The following ACOXL variants were observed in gnomAD, a reference collection of about 807,000 sequenced individuals.
ACOXL encodes the protein acyl-coenzyme A oxidase-like protein.
ACOXL carries 70 observed loss-of-function variants against 71.9 expected under a neutral mutation model. That is an observed-to-expected ratio of 0.97 (90% CI 0.80 to 1.19). ACOXL has a LOEUF of 1.19. Ranked by LOEUF, ACOXL falls within the 50% of genes most tolerant of loss-of-function variation. The pLI is 0.00. For synonymous variants in ACOXL, 253 were observed against 281.6 expected (o/e 0.90, Z 1.02); for missense variants, 703 against 736.3 (o/e 0.95, Z 0.52).
chr2:110,769,262 G>GAA (rs548527078), intron 2 of ACOXL, among the ~76,000 whole-genome samples: 4 of 146,310 alleles, frequency 2.7e-5, no homozygotes, highest in Non-Finnish European at 6.1e-5. Flanking sequence ...AAGAAAGAAA[G>GAA]AAAAAAATAC....
chr2:110,987,426 CCTT>C (rs2062981851), intron 13 of ACOXL, among the ~76,000 whole-genome samples: 1 of 152,164 alleles, frequency 6.6e-6, no homozygotes, highest in Non-Finnish European at 1.5e-5. Context: ...TCCTTGAGTT[CCTT>C]CTTTATTTCA....
chr2:110,887,202 T>G (rs1697401317), intron 10 of ACOXL: 2 of 247,434 alleles, frequency 8.1e-6, no homozygotes, highest in Non-Finnish European at 1.6e-5. Context: ...GAAAATTGGC[T>G]TCTATTACAC....
At chr2:110,915,590 A>T (rs975932252) in intron 11 of ACOXL, among the ~76,000 whole-genome samples, 1 of 149,408 alleles carries the variant, frequency 6.7e-6, no homozygotes, top group Non-Finnish European at 1.5e-5. Context: ...CACCCAGCTA[A>T]TTTTTTTTTG....
chr2:110,996,442 A>G (rs935099556), intron 14 of ACOXL, among the ~76,000 whole-genome samples: 4 of 152,264 alleles, frequency 2.6e-5, no homozygotes, highest in African/African-American at 9.6e-5. Flanking sequence ...GCAAAAGCAT[A>G]AAACCTTGTG....
chr2:110,963,369 C>T (rs922503253), intron 12 of ACOXL, among the ~76,000 whole-genome samples: 1 of 151,996 alleles, frequency 6.6e-6, no homozygotes, highest in Non-Finnish European at 1.5e-5. Context: ...AAATATGACA[C>T]AACCATTTTC....
chr2:111,114,191 C>G (rs1366627450), intron 17 of ACOXL: 1 of 152,692 alleles, frequency 6.5e-6, no homozygotes, highest in Non-Finnish European at 1.5e-5. Context: ...ACTAGGATGT[C>G]CAAGATGGCC....
chr2:110,755,211 C>T (rs552003527), intron 1 of ACOXL, among the ~76,000 whole-genome samples: 4 of 152,134 alleles, frequency 2.6e-5, no homozygotes, highest in Non-Finnish European at 4.4e-5. Context: ...CCCCAGATGA[C>T]CCTCACATGT....
chr2:111,039,860 C>T (rs973592207), intron 15 of ACOXL, among the ~76,000 whole-genome samples: 2 of 152,192 alleles, frequency 1.3e-5, no homozygotes, highest in African/African-American at 4.8e-5. Context: ...GTGCACGAAT[C>T]ATGCAAGTAG....
At chr2:110,925,223 A>T (rs1480499708) in intron 11 of ACOXL, among the ~76,000 whole-genome samples, 1 of 152,256 alleles carries the variant, frequency 6.6e-6, no homozygotes, top group African/African-American at 2.4e-5. Flanking sequence ...TTTTTGAAAT[A>T]GTAAATGACC....
chr2:110,932,766 A>G (rs2060522628), intron 11 of ACOXL, among the ~76,000 whole-genome samples: 1 of 152,222 alleles, frequency 6.6e-6, no homozygotes, highest in Admixed American at 6.5e-5. Context: ...GGGTGCCTAG[A>G]CAGATGTCAG....
At chr2:110,809,356 T>C (rs530656733) in intron 9 of ACOXL, among the ~76,000 whole-genome samples, 51 of 152,350 alleles carry the variant, frequency 3.3e-4, no homozygotes, top group Non-Finnish European at 7.1e-4. Context: ...ATGCAGCAGC[T>C]GAGCTGCGGG....
At chr2:110,919,448 C>T (rs771324833) in intron 11 of ACOXL, among the ~76,000 whole-genome samples, 2 of 151,950 alleles carry the variant, frequency 1.3e-5, no homozygotes, top group Non-Finnish European at 2.9e-5. Flanking sequence ...AGGAGAAATA[C>T]CTAATGTAGA....
At chr2:111,021,647 G>A (rs915192895) in intron 14 of ACOXL, among the ~76,000 whole-genome samples, 2 of 152,030 alleles carry the variant, frequency 1.3e-5, no homozygotes, top group African/African-American at 4.8e-5. Context: ...GGAGAGGGGA[G>A]GACCCTCTTC....
chr2:110,823,363 A>G (rs1445780122), intron 9 of ACOXL, among the ~76,000 whole-genome samples: 4 of 152,040 alleles, frequency 2.6e-5, no homozygotes, highest in African/African-American at 4.8e-5. Context: ...CCATTCATCC[A>G]TGGAAGGATA....
chr2:110,768,513 T>TGTGTGTGTGTGTGTGAGAGA (rs397975396), intron 2 of ACOXL, 49 bp downstream of exon 2: 2 of 929,758 alleles, frequency 2.2e-6, no homozygotes, highest in African/African-American at 3.5e-5. Context: ...TGTGTGTGTG[T>TGTGTGTGTGTGTGTGAGAGA]GAGAGAGAGA....
intron 14 of ACOXL, among the ~76,000 whole-genome samples, chr2:111,024,212 G>A (rs1384203791): frequency 6.6e-6 from 1 of 152,192 alleles, no homozygotes; most frequent in African/African-American, 2.4e-5. Flanking sequence ...CCAGGTTGTA[G>A]ATTGAATTCT....
intron 14 of ACOXL, among the ~76,000 whole-genome samples, chr2:111,029,493 A>G (rs2065165927): frequency 6.6e-6 from 1 of 152,042 alleles, no homozygotes; most frequent in Non-Finnish European, 1.5e-5. Flanking sequence ...TGTAGAGCCT[A>G]TACTGCTCCT....
chr2:110,921,827 C>T (rs1303460302), intron 11 of ACOXL, among the ~76,000 whole-genome samples: 6 of 152,186 alleles, frequency 3.9e-5, no homozygotes, highest in Non-Finnish European at 8.8e-5. Context: ...TGACATGTTG[C>T]AATTTCAATT....
chr2:110,940,737 T>A (rs1203353381), intron 12 of ACOXL, among the ~76,000 whole-genome samples: 1 of 152,210 alleles, frequency 6.6e-6, no homozygotes, highest in South Asian at 2.1e-4. Flanking sequence ...TTTAATAACA[T>A]TATCACTCTG....
Sources: gnomAD v4.1 joint callset for allele counts (sites outside exome capture counted in the v4.1 genomes callset) on GRCh38, gnomAD v4.1.1 for gene constraint, MANE v1.5 for transcripts, NCBI Gene and HGNC (gene_info 2026-07-23, HGNC 2026-07-21) for gene names.